The following CBX1 variants were observed in gnomAD, a reference collection of about 807,000 sequenced individuals.
The protein encoded by CBX1 is chromobox 1.
A neutral mutation model predicts 25.1 loss-of-function variants in CBX1; 10 were observed. The observed-to-expected ratio is 0.40, with a 90% CI of 0.25 to 0.68. The LOEUF is 0.68. Ranked by LOEUF, CBX1 falls within the 30% of genes least tolerant of loss-of-function variation. The pLI, the probability that CBX1 is intolerant of heterozygous loss-of-function variation, is 0.40. For missense variants in CBX1, 106 were observed against 218.5 expected, an observed-to-expected ratio of 0.49 and a Z score of 3.25; for synonymous variants, 63 against 79.4, an observed-to-expected ratio of 0.79 and a Z score of 1.10.
At chr17:48,088,227 C>T (rs2063324199) in intron 1 of CBX1, 1 of 151,668 alleles carries the variant, frequency 6.6e-6, no homozygotes, top group South Asian at 2.1e-4. Flanking sequence ...AGAAGAATTG[C>T]TACAACCTGG....
At chr17:48,097,805 T>C (rs1388981967) in intron 1 of CBX1, among the ~76,000 whole-genome samples, 2 of 152,136 alleles carry the variant, frequency 1.3e-5, no homozygotes, top group African/African-American at 4.8e-5. Context: ...CTAAATTTTG[T>C]CCATATCTGA....
chr17:48,085,282 T>C (rs1221316328), intron 1 of CBX1, among the ~76,000 whole-genome samples: 1 of 152,222 alleles, frequency 6.6e-6, no homozygotes, highest in Non-Finnish European at 1.5e-5. Flanking sequence ...GCCTCACAAA[T>C]AGACCAAATT....
intron 1 of CBX1, among the ~76,000 whole-genome samples, chr17:48,094,820 G>T (rs535066488): frequency 6.6e-6 from 1 of 151,892 alleles, no homozygotes; most frequent in Admixed American, 6.6e-5. Flanking sequence ...GTCGAGGCGG[G>T]TGGATCACTT....
At chr17:48,086,175 C>A (rs957551462) in intron 1 of CBX1, among the ~76,000 whole-genome samples, 3 of 152,198 alleles carry the variant, frequency 2.0e-5, no homozygotes, top group African/African-American at 7.2e-5. Flanking sequence ...ATTCATAGCT[C>A]AATTTTAAGA....
At chr17:48,078,886 T>C (rs1008691835) in intron 1 of CBX1, among the ~76,000 whole-genome samples, 7 of 140,900 alleles carry the variant, frequency 5.0e-5, no homozygotes, top group Non-Finnish European at 9.1e-5. Flanking sequence ...GCCTCCCGGG[T>C]TCAAGTGATT....
At chr17:48,090,696 C>A (rs2063340040) in intron 1 of CBX1, among the ~76,000 whole-genome samples, 1 of 152,172 alleles carries the variant, frequency 6.6e-6, no homozygotes, top group South Asian at 2.1e-4. Flanking sequence ...CATTACCTTG[C>A]GCTTTGCCCA....
intron 1 of CBX1, among the ~76,000 whole-genome samples, chr17:48,086,136 A>T (rs1361396818): frequency 6.6e-6 from 1 of 152,218 alleles, no homozygotes; most frequent in African/African-American, 2.4e-5. Context: ...GAATCCAGGA[A>T]CAGTGTAAAT....
intron 1 of CBX1, among the ~76,000 whole-genome samples, chr17:48,084,201 CCT>C (rs2037765018): frequency 3.7e-5 from 4 of 107,440 alleles, no homozygotes; most frequent in African/African-American, 1.1e-4. Context: ...CTCTTTCTTT[CCT>C]TTTTTTTTTT....
chr17:48,075,438 C>A (rs2037666106), intron 3 of CBX1, among the ~76,000 whole-genome samples: 1 of 152,146 alleles, frequency 6.6e-6, no homozygotes, highest in South Asian at 2.1e-4. Flanking sequence ...TGTGATCCGC[C>A]CGCCTCGGCC....
chr17:48,086,044 C>G (rs1460845311), intron 1 of CBX1, among the ~76,000 whole-genome samples: 1 of 152,124 alleles, frequency 6.6e-6, no homozygotes, highest in African/African-American at 2.4e-5. Flanking sequence ...GCACTCCAGC[C>G]TGGGTGACAC....
At chr17:48,085,891 AC>A (rs1218779794) in intron 1 of CBX1, among the ~76,000 whole-genome samples, 1 of 152,042 alleles carries the variant, frequency 6.6e-6, no homozygotes, top group African/African-American at 2.4e-5. Context: ...ACGTGGCGAA[AC>A]CTCGTCTCTA....
intron 1 of CBX1, among the ~76,000 whole-genome samples, chr17:48,092,286 G>A (rs537510286): frequency 1.1e-4 from 17 of 151,320 alleles, no homozygotes; most frequent in Non-Finnish European, 7.4e-5. Context: ...CACCATGCCC[G>A]ACCAGATCTT....
chr17:48,096,352 C>A, intron 1 of CBX1: 1 of 985,270 alleles, frequency 1.0e-6, no homozygotes, highest in Non-Finnish European at 1.2e-6. Flanking sequence ...TGAGAGGCCA[C>A]AAGAGTCTAC....
chr17:48,089,163 T>C (rs1302022457), intron 1 of CBX1, among the ~76,000 whole-genome samples: 1 of 147,884 alleles, frequency 6.8e-6, no homozygotes, highest in East Asian at 2.1e-4. Context: ...TGCAGTGGTG[T>C]GATCTCGGCT....
chr17:48,081,651 A>G (rs1210665683), intron 1 of CBX1, among the ~76,000 whole-genome samples: 3 of 152,108 alleles, frequency 2.0e-5, no homozygotes, highest in African/African-American at 7.2e-5. Context: ...CATGTTGGCC[A>G]GGCTGGTCTC....
intron 1 of CBX1, among the ~76,000 whole-genome samples, chr17:48,091,754 G>A (rs540485113): frequency 1.3e-5 from 2 of 151,236 alleles, no homozygotes; most frequent in East Asian, 3.9e-4. Flanking sequence ...TGTTGGCCAG[G>A]CTGGTCTCAA....
At chr17:48,092,741 C>T (rs1198234246) in intron 1 of CBX1, among the ~76,000 whole-genome samples, 6 of 151,864 alleles carry the variant, frequency 4.0e-5, no homozygotes, top group East Asian at 4.0e-4. Context: ...CGTGAGCCAC[C>T]GCACCCAGCT....
chr17:48,074,755 A>G (rs1187339262), intron 4 of CBX1, among the ~76,000 whole-genome samples: 2 of 151,732 alleles, frequency 1.3e-5, no homozygotes. Flanking sequence ...TCCTTCCCAC[A>G]CTCTTTCCAC....
At chr17:48,075,557 T>A (rs1290032328) in intron 3 of CBX1, among the ~76,000 whole-genome samples, 1 of 152,126 alleles carries the variant, frequency 6.6e-6, no homozygotes, top group Admixed American at 6.6e-5. Context: ...GCTGTTAGAA[T>A]CCTTTGGAGT....
Sources: allele counts gnomAD v4.1 joint callset (sites outside exome capture counted in the v4.1 genomes callset), GRCh38; gene constraint gnomAD v4.1.1; transcripts MANE v1.5; gene names NCBI Gene and HGNC (gene_info 2026-07-23, HGNC 2026-07-21).